The following CREM variants were observed in gnomAD, a reference collection of about 807,000 sequenced individuals.
CREM encodes the protein cAMP-responsive element modulator.
Under a neutral mutation model 37.3 loss-of-function variants are expected in CREM, and 13 were observed. The ratio of observed to expected loss-of-function variants is 0.35; its 90% CI spans 0.23 to 0.55. The LOEUF (loss-of-function observed/expected upper bound fraction) is 0.55. CREM is among the 20% of genes least tolerant of loss of function. The probability of loss-of-function intolerance (pLI) is 0.88; values close to 1 mark genes in which losing one functional copy is unlikely to be tolerated. For missense variants in CREM, 296 were observed against 362.3 expected, an observed-to-expected ratio of 0.82 and a Z score of 1.49; for synonymous variants, 124 against 120.2, an observed-to-expected ratio of 1.03 and a Z score of -0.21.
chr10:35,190,704 GC>G (rs1423600953), intron 6 of CREM, among the ~76,000 whole-genome samples: 4 of 151,778 alleles, frequency 2.6e-5, no homozygotes, highest in African/African-American at 9.7e-5. Flanking sequence ...TCGCTCTGTT[GC>G]CCTGCCTGGA....
chr10:35,211,648 T>G lies in CREM; in HGVS notation c.*250T>G, dbSNP rs201705091. 8.1e-6 allele frequency: 13 copies of G among 1,607,602 alleles called. No homozygotes were observed. Among genetic ancestry groups the G allele is most frequent in the Non-Finnish European group, 1.0e-5 (12 of 1,177,908 alleles). On this transcript the variant is annotated 3_prime_UTR_variant, in exon 8 of 8. Coordinates refer to ENST00000685392, the MANE Select transcript of CREM (RefSeq NM_183011.2). ...CTTTGTTTGCCCTTTGCTTCTGCTT[T>G]TTTTCAGGGAAGCTGCCAAAGAATG...
At chr10:35,174,880 G>A (rs139183943) in intron 3 of CREM, among the ~76,000 whole-genome samples, 52 of 152,296 alleles carry the variant, frequency 3.4e-4, no homozygotes, top group African/African-American at 1.1e-3. Context: ...CTGTTGTGCT[G>A]ATCTCTGCCC....
intron 6 of CREM, among the ~76,000 whole-genome samples, chr10:35,192,205 C>G (rs1285393783): frequency 6.6e-6 from 1 of 152,180 alleles, no homozygotes; most frequent in Non-Finnish European, 1.5e-5. Context: ...CCCTTCTTGG[C>G]TCAGTTTTTT....
chr10:35,153,434 CATT>C (rs1238587276), intron 3 of CREM, among the ~76,000 whole-genome samples: 1 of 152,076 alleles, frequency 6.6e-6, no homozygotes, highest in African/African-American at 2.4e-5. Flanking sequence ...AACAAAATGT[CATT>C]ATACCTAGTT....
In CREM at chr10:35,194,097, C is replaced by CAAAAAAAAAA. The variant is rs371978117; in HGVS notation, c.598+5727_598+5736dup. ...GGGGGAGAATAGCGAGACTTCATCT[C>CAAAAAAAAAA]AAAAAAAAAAAAAAAAAAAAAAAAA... On this transcript the variant is annotated intron_variant, in intron 6 of 7. Coordinates refer to ENST00000685392, the MANE Select transcript of CREM (RefSeq NM_183011.2). Among the ~76,000 whole-genome samples, 140 of 25,054 alleles carry CAAAAAAAAAA rather than the reference C, an allele frequency of 5.6e-3. 11 individuals carry two copies. The highest frequency in any genetic ancestry group is 0.031 in the East Asian group (21 of 686). The allele number at this position is 25,054 out of a possible 152,430, so 16.4% of individuals were successfully genotyped here.
intron 3 of CREM, among the ~76,000 whole-genome samples, chr10:35,153,705 T>C (rs1415678074): frequency 1.3e-5 from 2 of 152,186 alleles, no homozygotes; most frequent in Non-Finnish European, 2.9e-5. Context: ...AAATAACTCT[T>C]CTTTATAAAT....
chr10:35,176,791 A>T (rs993601761), intron 3 of CREM, among the ~76,000 whole-genome samples: 1 of 152,204 alleles, frequency 6.6e-6, no homozygotes, highest in South Asian at 2.1e-4. Context: ...ATATAAATTT[A>T]TTTTAAATTC....
At chr10:35,134,116 G>A (rs1012320072) in intron 1 of CREM, among the ~76,000 whole-genome samples, 2 of 148,988 alleles carry the variant, frequency 1.3e-5, no homozygotes, top group Non-Finnish European at 3.0e-5. Flanking sequence ...GTGCTATCTC[G>A]GCTCACTGCA....
In CREM at chr10:35,132,723, C is replaced by A. The variant is rs1293804081; in HGVS notation, c.-54-5059C>A. Among the ~76,000 whole-genome samples, 151 of 152,142 alleles carry A rather than the reference C, an allele frequency of 9.9e-4. 1 individual carries two copies. Among genetic ancestry groups the A allele is most frequent in the Non-Finnish European group, 1.5e-5 (1 of 68,030 alleles). On this transcript the variant is annotated intron_variant, in intron 1 of 7. Coordinates refer to ENST00000685392, the MANE Select transcript of CREM (RefSeq NM_183011.2). ...GGTACTGCTTTCTCCCATTGTTTTT[C>A]CTGTACTCATCTTCCCCTAAAATGC... is the stretch of plus-strand genomic sequence containing the variant.
At chr10:35,205,113 ACGT>A (rs2134465637) in intron 6 of CREM, among the ~76,000 whole-genome samples, 1 of 152,350 alleles carries the variant, frequency 6.6e-6, no homozygotes, top group East Asian at 1.9e-4. Flanking sequence ...TCTGGACCAT[ACGT>A]TCTCAATGTT....
intron 3 of CREM, among the ~76,000 whole-genome samples, chr10:35,152,710 T>C (rs943042861): frequency 3.9e-5 from 6 of 152,124 alleles, no homozygotes; most frequent in Non-Finnish European, 7.4e-5. Flanking sequence ...AGTTGGAGAG[T>C]CCATTTTAAA....
intron 5 of CREM, among the ~76,000 whole-genome samples, chr10:35,183,632 G>A (rs1363166295): frequency 6.6e-6 from 1 of 152,300 alleles, no homozygotes; most frequent in East Asian, 1.9e-4. Context: ...TGGAACAAAG[G>A]TCTGTTTGCT....
chr10:35,196,060 T>A (rs2095146545), intron 6 of CREM: 2 of 1,614,050 alleles, frequency 1.2e-6, no homozygotes, highest in Admixed American at 1.7e-5. Context: ...GAAACTGTAA[T>A]GCATGAACAG....
chr10:35,145,792 A>AG (rs1332103020), intron 2 of CREM, among the ~76,000 whole-genome samples: 1 of 151,646 alleles, frequency 6.6e-6, no homozygotes, highest in Non-Finnish European at 1.5e-5. Context: ...AAAAAAAAAA[A>AG]AAAAAAAGAA....
chr10:35,205,636 C>G (rs1171099535), intron 6 of CREM, among the ~76,000 whole-genome samples: 1 of 152,210 alleles, frequency 6.6e-6, no homozygotes, highest in Non-Finnish European at 1.5e-5. Context: ...GTGCTACAGT[C>G]AGCTCCTCCT....
At chr10:35,194,427 TCA>T (rs2095061529) in intron 6 of CREM, among the ~76,000 whole-genome samples, 1 of 152,220 alleles carries the variant, frequency 6.6e-6, no homozygotes, top group Non-Finnish European at 1.5e-5. Flanking sequence ...TTAGATTGAA[TCA>T]CATGAAACTG....
Position 35,154,434 on chromosome 10 carries a change from GT to G in CREM, c.168+5946del, listed in dbSNP as rs2092774634. The G allele has an allele frequency of 3.1e-5, 6 of 195,130 alleles. No individual in the cohort carries two copies. The South Asian group carries it at 9.6e-4, about 31-fold the overall frequency. 12.1% of individuals were successfully genotyped at this position (195,130 alleles called of 1,614,324 possible). A position where few individuals can be genotyped will look rare whatever the true frequency, so the allele number is the denominator to read the frequency against. On this transcript the variant is annotated intron_variant, in intron 3 of 7. Coordinates refer to ENST00000685392, the MANE Select transcript of CREM (RefSeq NM_183011.2). ...ATATAATTTCAGCTAAGTAGATCTA[GT>G]TTAAGGTCAGTGTTTTATTGAATCT...
intron 6 of CREM, among the ~76,000 whole-genome samples, chr10:35,199,159 A>G (rs892115481): frequency 6.6e-6 from 1 of 152,242 alleles, no homozygotes; most frequent in Non-Finnish European, 1.5e-5. Context: ...AACAACAACA[A>G]AAAAGAATAA....
At chr10:35,146,849 G>A (rs2092167228) in intron 2 of CREM, among the ~76,000 whole-genome samples, 1 of 152,146 alleles carries the variant, frequency 6.6e-6, no homozygotes, top group South Asian at 2.1e-4. Context: ...GTCAAAGACA[G>A]TAGATGAAGG....
Sources: gnomAD v4.1 joint callset for allele counts (sites outside exome capture counted in the v4.1 genomes callset) on GRCh38, gnomAD v4.1.1 for gene constraint, MANE v1.5 for transcripts, NCBI Gene and HGNC (gene_info 2026-07-23, HGNC 2026-07-21) for gene names.